Variants in GPHN observed in about 807,000 individuals in gnomAD.
GPHN encodes gephyrin.
A neutral mutation model predicts 95.5 loss-of-function variants in GPHN; 17 were observed. That is an observed-to-expected ratio of 0.18 (90% CI 0.12 to 0.27). GPHN has a LOEUF of 0.27. Ranked by LOEUF, GPHN falls within the 10% of genes least tolerant of loss-of-function variation. The pLI is 1.00. For synonymous variants in GPHN, 320 were observed against 322.5 expected (o/e 0.99, Z 0.08); for missense variants, 660 against 978.1 (o/e 0.67, Z 4.34).
At chr14:66,798,657 C>T (rs2060240329) in intron 3 of GPHN, among the ~76,000 whole-genome samples, 2 of 151,720 alleles carry the variant, frequency 1.3e-5, no homozygotes, top group African/African-American at 2.4e-5. Context: ...ATTGTAATGT[C>T]ACCTTTTTTA....
chr14:66,714,922 A>G (rs1465343798), intron 2 of GPHN, among the ~76,000 whole-genome samples: 1 of 152,042 alleles, frequency 6.6e-6, no homozygotes, highest in Non-Finnish European at 1.5e-5. Flanking sequence ...CTTCAGGGAT[A>G]TTGGTCTGTA....
chr14:66,896,631 T>C (rs1306568534), intron 5 of GPHN, among the ~76,000 whole-genome samples: 1 of 152,042 alleles, frequency 6.6e-6, no homozygotes, highest in East Asian at 1.9e-4. Context: ...AGTCCTATTT[T>C]CTAGGAAGAT....
chr14:66,682,567 T>C (rs1339981832), intron 2 of GPHN, among the ~76,000 whole-genome samples: 2 of 151,770 alleles, frequency 1.3e-5, no homozygotes, highest in Non-Finnish European at 2.9e-5. Flanking sequence ...CTGGCCAACA[T>C]GGTGAAACCC....
the GPHN span, among the ~76,000 whole-genome samples, chr14:67,531,683 G>A: frequency 2.0e-5 from 3 of 150,576 alleles, no homozygotes; most frequent in Non-Finnish European, 4.4e-5. Context: ...GGGAGGCCGA[G>A]GCAGGAGGAT....
At chr14:67,333,270 G>A in the GPHN span, 76 of 198,618 alleles carry the variant, frequency 3.8e-4, no homozygotes, top group South Asian at 6.1e-4. Flanking sequence ...CTGCTTAGTT[G>A]TATCTCTGTG....
the GPHN span, among the ~76,000 whole-genome samples, chr14:67,437,657 G>C: frequency 7.9e-5 from 12 of 152,222 alleles, no homozygotes; most frequent in South Asian, 2.1e-4. Flanking sequence ...GCTGGAGGAG[G>C]GGGGAGAGAG....
chr14:67,311,171 C>A, the GPHN span, among the ~76,000 whole-genome samples: 3 of 151,990 alleles, frequency 2.0e-5, no homozygotes. Context: ...ATTAGCTGGG[C>A]GTTGTGGTGA....
intron 3 of GPHN, among the ~76,000 whole-genome samples, chr14:66,797,759 T>G (rs1393007894): frequency 2.0e-5 from 3 of 151,998 alleles, no homozygotes; most frequent in African/African-American, 7.2e-5. Flanking sequence ...TAATGTCATA[T>G]CATCTGCAAA....
chr14:67,154,801 A>C (rs1467073370), intron 18 of GPHN, among the ~76,000 whole-genome samples: 3 of 152,160 alleles, frequency 2.0e-5, no homozygotes, highest in Non-Finnish European at 4.4e-5. Context: ...AGAATAGCAT[A>C]TTTGGACCAA....
At chr14:66,842,767 A>G (rs1434663548) in intron 4 of GPHN, 11 of 1,332,380 alleles carry the variant, frequency 8.3e-6, no homozygotes, top group Non-Finnish European at 1.1e-5. Flanking sequence ...AATAATTTTT[A>G]GTGTTTTGGT....
At chr14:66,865,396 A>T (rs1014575416) in intron 4 of GPHN, among the ~76,000 whole-genome samples, 2 of 152,112 alleles carry the variant, frequency 1.3e-5, no homozygotes, top group African/African-American at 4.8e-5. Context: ...CAGGAAAATT[A>T]AAAATTTTTC....
At chr14:66,577,463 A>G (rs368812062) in intron 1 of GPHN, among the ~76,000 whole-genome samples, 10 of 152,302 alleles carry the variant, frequency 6.6e-5, no homozygotes, top group African/African-American at 2.2e-4. Flanking sequence ...AAGTTCCTAG[A>G]TAAATCTATA....
intron 10 of GPHN, among the ~76,000 whole-genome samples, chr14:67,053,762 A>G (rs1410304922): frequency 1.3e-5 from 2 of 152,206 alleles, no homozygotes. Context: ...AAGCTTATCC[A>G]CATGATCAAG....
At chr14:67,304,767 A>C in the GPHN span, among the ~76,000 whole-genome samples, 3 of 152,198 alleles carry the variant, frequency 2.0e-5, no homozygotes, top group Non-Finnish European at 4.4e-5. Context: ...AATTGTGTAC[A>C]TGAGTGAATT....
chr14:67,222,999 CTTTT>C, the GPHN span, among the ~76,000 whole-genome samples: 2 of 124,804 alleles, frequency 1.6e-5, no homozygotes, highest in Non-Finnish European at 1.7e-5. Context: ...TCCCATTGGG[CTTTT>C]TTTTTTTTTT....
At chr14:67,359,846 C>A in the GPHN span, 1 of 822,988 alleles carries the variant, frequency 1.2e-6, no homozygotes, top group South Asian at 1.6e-5. Flanking sequence ...GCAGGGACAC[C>A]CATTTTCACT....
In GPHN at chr14:67,060,194, T is replaced by C. The variant is rs184352496; in HGVS notation, c.1144+1408T>C. Among the ~76,000 whole-genome samples, 5 of 150,642 alleles carry C rather than the reference T, an allele frequency of 3.3e-5. No homozygotes were observed. The East Asian group carries it at 9.7e-4, about 29-fold the overall frequency. On this transcript the variant is annotated intron_variant, in intron 11 of 22. Transcript: ENST00000478722. ...ATTCCAGGTCACATTTAAAGAGACA[T>C]TCTAATTTAAAAAAAAAAAAAAAAG... is the stretch of plus-strand genomic sequence containing the variant.
At chr14:67,572,311 G>T in the GPHN span, 2 of 1,538,822 alleles carry the variant, frequency 1.3e-6, no homozygotes, top group Admixed American at 3.8e-5. Context: ...CAGGGTGGAA[G>T]CAGAATGCAG....
chr14:67,538,161 C>T, the GPHN span, among the ~76,000 whole-genome samples: 3 of 152,148 alleles, frequency 2.0e-5, no homozygotes, highest in Non-Finnish European at 2.9e-5. Context: ...CACTTCCCCT[C>T]TCTCATTTCC....
Sources: gnomAD v4.1 joint callset for allele counts (sites outside exome capture counted in the v4.1 genomes callset) on GRCh38, gnomAD v4.1.1 for gene constraint, MANE v1.5 for transcripts, NCBI Gene and HGNC (gene_info 2026-07-23, HGNC 2026-07-21) for gene names.